CACNA1I: variants seen among roughly 807,000 people sequenced by gnomAD.
CACNA1I encodes voltage-dependent T-type calcium channel subunit alpha-1I.
Under a neutral mutation model 201.6 loss-of-function variants are expected in CACNA1I, and 74 were observed. The ratio of observed to expected loss-of-function variants is 0.37; its 90% CI spans 0.30 to 0.45. CACNA1I has a LOEUF of 0.45. Ranked by LOEUF, CACNA1I falls within the 20% of genes least tolerant of loss-of-function variation. CACNA1I has a pLI of 1.00. For synonymous variants in CACNA1I, 1,431 were observed against 1,345.2 expected, an observed-to-expected ratio of 1.06 and a Z score of -1.40; for missense variants, 2,346 against 3,138.1, an observed-to-expected ratio of 0.75 and a Z score of 6.03.
chr22:39,616,437 C>T (rs1042547071), intron 3 of CACNA1I, among the ~76,000 whole-genome samples: 1 of 152,124 alleles, frequency 6.6e-6, no homozygotes, highest in Non-Finnish European at 1.5e-5. Flanking sequence ...CTTCCTGCCA[C>T]CCCTTGTTGT....
At chr22:39,606,546 T>A (rs1457709319) in intron 3 of CACNA1I, among the ~76,000 whole-genome samples, 1 of 152,208 alleles carries the variant, frequency 6.6e-6, no homozygotes, top group Non-Finnish European at 1.5e-5. Flanking sequence ...TTATTATTCT[T>A]TTTTGAGACA....
intron 5 of CACNA1I, 101 bp downstream of exon 5, chr22:39,634,825 C>T (rs1011262797): frequency 5.1e-6 from 6 of 1,187,582 alleles, no homozygotes; most frequent in African/African-American, 1.5e-5. Context: ...GGGGTAGAAG[C>T]AGCAAAAAAA....
chr22:39,604,216 G>T (rs5750857), intron 3 of CACNA1I, among the ~76,000 whole-genome samples: 48,354 of 152,000 alleles, frequency 0.32, 9,720 homozygotes, highest in East Asian at 0.85. Flanking sequence ...ATTCTGTATT[G>T]CTTAGCGATT....
chr22:39,672,277 G>A lies in CACNA1I; in HGVS notation c.4618G>A (p.Ala1540Thr), dbSNP rs1935397417. The change falls in exon 27 of 37, where the codon GCA becomes ACA. Residue 1540 changes from alanine (A) to threonine (T), a missense_variant. By Grantham distance (58) the Ala-to-Thr change is moderately conservative (BLOSUM62 0). Around this residue, in one of 13 missense-constraint regions of CACNA1I, gnomAD observed 228 missense variants for 395.7 expected, o/e 0.58. Transcript: ENST00000402142. The part of the protein sequence containing the change: ...FVLEAVLKLV[A>T]FGLRRFFKDR... ...GCTGGAGGCTGTGCTGAAGCTGGTG[G>A]CATTTGGTCTGAGGCGCTTCTTCAA... 2 of 1,613,602 alleles carry A rather than the reference G, an allele frequency of 1.2e-6. No homozygotes were observed. The highest frequency in any genetic ancestry group is 1.7e-6 in the Non-Finnish European group (2 of 1,179,756).
intron 3 of CACNA1I, among the ~76,000 whole-genome samples, chr22:39,618,430 T>C (rs769102101): frequency 2.6e-5 from 4 of 151,760 alleles, no homozygotes; most frequent in Non-Finnish European, 5.9e-5. Context: ...TGACTCTGTG[T>C]ATGCAGGTGT....
At chr22:39,627,138 G>C (rs1933920840) in intron 4 of CACNA1I, among the ~76,000 whole-genome samples, 2 of 152,142 alleles carry the variant, frequency 1.3e-5, no homozygotes, top group African/African-American at 4.8e-5. Flanking sequence ...CCCGTCCCCA[G>C]TGTCTGCAGG....
At chr22:39,642,706 A>T (rs747209484) in intron 6 of CACNA1I, 91 bp from the exon 7 acceptor site, 53 of 820,498 alleles carry the variant, frequency 6.5e-5, no homozygotes, top group Middle Eastern at 3.2e-4. Flanking sequence ...GCGTTCTGGC[A>T]CACAGTGGGG....
At chr22:39,600,485 C>T (rs1347154446) in intron 2 of CACNA1I, 35 bp from the exon 3 acceptor site, 1 of 1,593,852 alleles carries the variant, frequency 6.3e-7, no homozygotes, top group Non-Finnish European at 8.6e-7. Flanking sequence ...TGCAACCTCA[C>T]CCTGTCCCTT....
intron 1 of CACNA1I, among the ~76,000 whole-genome samples, chr22:39,595,288 A>AAAAT (rs1452892374): frequency 2.6e-5 from 4 of 151,820 alleles, no homozygotes; most frequent in Admixed American, 2.0e-4. Context: ...ACTCCGTCTC[A>AAAAT]AAATAAATAA....
In CACNA1I at chr22:39,649,554, C is replaced by A; in HGVS notation, c.1621C>A (p.Pro541Thr). 6.4e-7 allele frequency: 1 copy of A among 1,550,656 alleles called. No individual in the cohort carries two copies. Among genetic ancestry groups the A allele is most frequent in the Non-Finnish European group, 8.7e-7 (1 of 1,147,340 alleles). The change falls in exon 10 of 37, where the codon CCC becomes ACC. Residue 541 changes from proline to threonine, a missense_variant. By Grantham distance (38) the Pro-to-Thr change is conservative. This residue lies in a region of CACNA1I where 312 missense variants were observed against 331.5 expected (regional missense o/e 0.94). Transcript: ENST00000402142. This position sits in a 1 kb window ranked among gnomAD's most constrained non-coding sequence, Gnocchi z 7.3. ...TGCGACGCCCCACACCCTGGTGCAG[C>A]CCATCCCCGCCACGCTGGCTTCCGA... The part of the protein sequence containing the change: ...LDATPHTLVQ[P>T]IPATLASDPA...
intron 1 of CACNA1I, among the ~76,000 whole-genome samples, chr22:39,578,585 T>C (rs73422193): frequency 0.22 from 33,685 of 151,728 alleles, 5,836 homozygotes; most frequent in African/African-American, 0.48. Flanking sequence ...TCCCCTGGGC[T>C]CCCCCTCTCC....
intron 16 of CACNA1I, 47 bp from the exon 17 acceptor site, chr22:39,661,918 C>G (rs536938505): frequency 2.3e-6 from 3 of 1,288,792 alleles, no homozygotes; most frequent in African/African-American, 3.1e-5. Flanking sequence ...GTGCCCCAGC[C>G]GTGGGTGTGC....
At chr22:39,591,613 C>G (rs1932823005) in intron 1 of CACNA1I, among the ~76,000 whole-genome samples, 1 of 151,944 alleles carries the variant, frequency 6.6e-6, no homozygotes, top group African/African-American at 2.4e-5. Context: ...CGCTGGAGTG[C>G]AGTGGTGCAA....
At chr22:39,575,766 C>T (rs556991703) in intron 1 of CACNA1I, among the ~76,000 whole-genome samples, 1 of 143,830 alleles carries the variant, frequency 7.0e-6, no homozygotes, top group African/African-American at 2.5e-5. Context: ...CAGAGCCTTT[C>T]TTTCTTTTCT....
chr22:39,605,316 G>C (rs1046106964), intron 3 of CACNA1I, among the ~76,000 whole-genome samples: 4 of 152,172 alleles, frequency 2.6e-5, no homozygotes, highest in Admixed American at 2.6e-4. Flanking sequence ...GTGTGTCTGA[G>C]ACTGGGGCCT....
chr22:39,661,452 T>G (rs1039257732), intron 16 of CACNA1I, 142 bp downstream of exon 16: 2 of 645,096 alleles, frequency 3.1e-6, no homozygotes, highest in Admixed American at 3.4e-5. Flanking sequence ...GTTGCATTCC[T>G]GGGTGCCCAG....
At chr22:39,655,554 G>T (rs895568323) in intron 10 of CACNA1I, among the ~76,000 whole-genome samples, 1 of 152,124 alleles carries the variant, frequency 6.6e-6, no homozygotes, top group Non-Finnish European at 1.5e-5. Context: ...GGTTCCCATG[G>T]TGTCACTGCT....
At chr22:39,609,071 T>G (rs1381278060) in intron 3 of CACNA1I, among the ~76,000 whole-genome samples, 1 of 71,050 alleles carries the variant, frequency 1.4e-5, no homozygotes, top group Non-Finnish European at 2.8e-5. Context: ...CAAAGGTAAT[T>G]TAATTCTCTG....
chr22:39,663,826 C>G lies in CACNA1I; in HGVS notation c.3582C>G (p.Ile1194Met). 4.3e-6 allele frequency: 7 copies of G among 1,613,480 alleles called. No homozygotes were observed. Among genetic ancestry groups the G allele is most frequent in the Non-Finnish European group, 5.9e-6 (7 of 1,179,680 alleles). Residue 1194 changes from isoleucine (I) to methionine (M), a missense_variant, in exon 19 of 37, where the codon ATC (isoleucine) becomes ATG (methionine). Transcript: ENST00000402142. The stretch of plus-strand genomic sequence containing the variant: ...CCATCGCCCTGGAGCGGCCTCAGAT[C>G]GAGGCCGGCAGCACCGTGAGTGGCT... ...CITIALERPQ[I>M]EAGSTERIFL...
Sources: gnomAD v4.1 joint callset for allele counts (sites outside exome capture counted in the v4.1 genomes callset) on GRCh38, gnomAD v4.1.1 for gene constraint, gnomAD v4.1.1 regional missense constraint, Gnocchi (gnomAD v3.1) non-coding constraint, MANE v1.5 for transcripts, NCBI Gene and HGNC (gene_info 2026-07-23, HGNC 2026-07-21) for gene names.